Variants in ADGRV1 observed in about 807,000 individuals in gnomAD.
The protein encoded by ADGRV1 is adhesion G protein-coupled receptor V1.
Under a neutral mutation model 596.2 loss-of-function variants are expected in ADGRV1, and 359 were observed. That is an observed-to-expected ratio of 0.60 (90% CI 0.55 to 0.66). ADGRV1 has a LOEUF of 0.66. Among genes scored for constraint, ADGRV1 ranks in the 30% least tolerant of loss-of-function variants. The pLI is 0.00. For synonymous variants in ADGRV1, 2,681 were observed against 2,679.2 expected (o/e 1.00, Z -0.02); for missense variants, 7,274 against 7,575.6 (o/e 0.96, Z 1.48).
chr5:90,597,991 T>C (rs1374185724), intron 1 of ADGRV1, among the ~76,000 whole-genome samples: 1 of 152,176 alleles, frequency 6.6e-6, no homozygotes. Context: ...GATGCAATAA[T>C]GAAAGCAAAT....
At chr5:91,044,880 A>G (rs1488753261) in intron 85 of ADGRV1, among the ~76,000 whole-genome samples, 1 of 152,174 alleles carries the variant, frequency 6.6e-6, no homozygotes, top group Non-Finnish European at 1.5e-5. Context: ...CAACAAGACA[A>G]AAAACCTGTA....
intron 34 of ADGRV1, among the ~76,000 whole-genome samples, chr5:90,702,339 G>A (rs1748013233): frequency 6.6e-6 from 1 of 151,808 alleles, no homozygotes; most frequent in South Asian, 2.1e-4. Flanking sequence ...CTAAGACATA[G>A]TCTACTAATG....
In ADGRV1 at chr5:91,063,408, A is replaced by G. The variant is rs555562141; in HGVS notation, c.18153-9039A>G. 1.7e-3 allele frequency among the ~76,000 whole-genome samples: 256 copies of G among 152,318 alleles called. 1 individual carries two copies. Among genetic ancestry groups the G allele is most frequent in the Non-Finnish European group, 1.6e-3 (112 of 68,026 alleles). Reference sequence around the variant, plus strand: ...TCTGTCTAGTATATGGATTTTGGAAACAAAAGACATAATTCTATTCATAGC... The same window carrying G: ...TCTGTCTAGTATATGGATTTTGGAAGCAAAAGACATAATTCTATTCATAGC... On this transcript the variant is annotated intron_variant, in intron 85 of 89. Transcript: ENST00000405460.
intron 85 of ADGRV1, among the ~76,000 whole-genome samples, chr5:91,072,012 A>G (rs558307747): frequency 2.2e-4 from 34 of 152,264 alleles, no homozygotes; most frequent in Admixed American, 1.9e-3. Context: ...GACAGTTCAG[A>G]GAAGTTAAAA....
intron 83 of ADGRV1, among the ~76,000 whole-genome samples, chr5:90,891,414 A>T (rs1770813002): frequency 6.6e-6 from 1 of 151,516 alleles, no homozygotes; most frequent in South Asian, 2.1e-4. Context: ...TATATTCTAA[A>T]TATAATTAAG....
chr5:90,752,333 T>A (rs1755356437), intron 53 of ADGRV1, among the ~76,000 whole-genome samples: 1 of 152,186 alleles, frequency 6.6e-6, no homozygotes, highest in Non-Finnish European at 1.5e-5. Flanking sequence ...GGGGTACCTA[T>A]GCAAGTTTGT....
At chr5:91,109,664 A>T (rs1309021300) in intron 87 of ADGRV1, among the ~76,000 whole-genome samples, 6 of 152,156 alleles carry the variant, frequency 3.9e-5, no homozygotes, top group Non-Finnish European at 7.4e-5. Flanking sequence ...ATTCCTAGAT[A>T]ACAAAATCCT....
intron 86 of ADGRV1, among the ~76,000 whole-genome samples, chr5:91,083,874 A>G: frequency 6.6e-6 from 1 of 152,180 alleles, no homozygotes; most frequent in East Asian, 1.9e-4. Context: ...TCAAGACTGT[A>G]GTGCACTGTG....
intron 79 of ADGRV1, among the ~76,000 whole-genome samples, chr5:90,850,308 A>G (rs1301869946): frequency 6.6e-6 from 1 of 152,158 alleles, no homozygotes; most frequent in Non-Finnish European, 1.5e-5. Flanking sequence ...AGTCCTGGAA[A>G]TTGAGGTTTT....
chr5:91,046,630 C>A (rs1265452909), intron 85 of ADGRV1, among the ~76,000 whole-genome samples: 1 of 152,132 alleles, frequency 6.6e-6, no homozygotes, highest in Non-Finnish European at 1.5e-5. Context: ...GACCAAGAAC[C>A]AAAAGCAAAT....
At chr5:90,797,664 C>T (rs746865772) in intron 70 of ADGRV1, among the ~76,000 whole-genome samples, 28 of 152,140 alleles carry the variant, frequency 1.8e-4, no homozygotes, top group African/African-American at 5.6e-4. Flanking sequence ...CCCAAATCAA[C>T]GGAATATATC....
At chr5:90,766,272 C>T (rs1757135670) in intron 59 of ADGRV1, among the ~76,000 whole-genome samples, 1 of 151,938 alleles carries the variant, frequency 6.6e-6, no homozygotes, top group South Asian at 2.1e-4. Context: ...CCCTCTCTCA[C>T]ATTTTTCCTC....
chr5:90,829,548 A>C (rs1442753009), intron 77 of ADGRV1, among the ~76,000 whole-genome samples: 1 of 152,226 alleles, frequency 6.6e-6, no homozygotes, highest in Non-Finnish European at 1.5e-5. Flanking sequence ...TTTCCAAAAC[A>C]GTTGAAAATT....
At chr5:90,932,711 A>T (rs1775355404) in intron 83 of ADGRV1, among the ~76,000 whole-genome samples, 1 of 143,236 alleles carries the variant, frequency 7.0e-6, no homozygotes, top group African/African-American at 2.5e-5. Flanking sequence ...CATAGAATGC[A>T]TCGCTGCAAA....
chr5:91,157,945 G>T (rs894632320), intron 89 of ADGRV1, among the ~76,000 whole-genome samples: 2 of 152,128 alleles, frequency 1.3e-5, no homozygotes, highest in African/African-American at 4.8e-5. Context: ...GACCTGGAGC[G>T]ATGTGCAACA....
chr5:90,608,738 A>G (rs554666769), intron 1 of ADGRV1, among the ~76,000 whole-genome samples: 1 of 152,204 alleles, frequency 6.6e-6, no homozygotes, highest in African/African-American at 2.4e-5. Context: ...AAAACATGGG[A>G]TTAACAAACA....
intron 83 of ADGRV1, among the ~76,000 whole-genome samples, chr5:90,943,978 A>G (rs1467426470): frequency 4.6e-5 from 7 of 152,158 alleles, no homozygotes; most frequent in African/African-American, 1.7e-4. Context: ...TATTCAACCC[A>G]GTACCAACCC....
chr5:90,584,618 C>G (rs1367070492), intron 1 of ADGRV1, among the ~76,000 whole-genome samples: 1 of 152,178 alleles, frequency 6.6e-6, no homozygotes, highest in Non-Finnish European at 1.5e-5. Flanking sequence ...CAAATTGATG[C>G]TGGCTGTTAG....
intron 83 of ADGRV1, among the ~76,000 whole-genome samples, chr5:90,932,703 T>A (rs1302384004): frequency 6.7e-6 from 1 of 148,692 alleles, no homozygotes; most frequent in Non-Finnish European, 1.5e-5. Context: ...TAAGTCACCA[T>A]AGAATGCATC....
Sources: allele counts gnomAD v4.1 joint callset (sites outside exome capture counted in the v4.1 genomes callset), GRCh38; gene constraint gnomAD v4.1.1; transcripts MANE v1.5; gene names NCBI Gene and HGNC (gene_info 2026-07-23, HGNC 2026-07-21).